The following SLC9C2 variants were observed in gnomAD, a reference collection of about 807,000 sequenced individuals.
SLC9C2 encodes the protein solute carrier family 9 member C2 (putative).
In SLC9C2, 75 loss-of-function variants were observed where a neutral mutation model predicts 140.2. The observed-to-expected ratio is 0.53, with a 90% CI of 0.44 to 0.65. SLC9C2 has a LOEUF of 0.65. Ranked by LOEUF, SLC9C2 falls within the 30% of genes least tolerant of loss-of-function variation. The probability of loss-of-function intolerance (pLI) is 0.00; values close to 1 mark genes in which losing one functional copy is unlikely to be tolerated. For synonymous variants in SLC9C2, 375 were observed against 420.9 expected (o/e 0.89, Z 1.34); for missense variants, 1,074 against 1,331.8 (o/e 0.81, Z 3.01).
intron 17 of SLC9C2, among the ~76,000 whole-genome samples, chr1:173,530,467 C>T (rs928146758): frequency 1.3e-5 from 2 of 152,180 alleles, no homozygotes; most frequent in South Asian, 2.1e-4. Flanking sequence ...CTCTGTGCCT[C>T]AGTTTCTTCA....
chr1:173,503,274 T>C lies in SLC9C2; in HGVS notation c.3363A>G (p.Gln1121=), dbSNP rs576156872. Residue 1121 remains glutamine, a synonymous_variant, in exon 27 of 28, where the codon CAA becomes CAG. Coordinates refer to ENST00000367714, the MANE Select transcript of SLC9C2 (RefSeq NM_178527.4). ...EQPGKNINGR[Q]KMS ...AGTGTCAAGTTTATTACCTCATCTT[T>C]TGTCTTCCATTTATATTCTTTCCTG... The C allele has an allele frequency of 8.1e-6, 13 of 1,613,426 alleles. No homozygotes were observed. In the East Asian group the frequency reaches 2.9e-4, roughly 36 times the overall value.
In SLC9C2 at chr1:173,503,227, A is replaced by C. The variant is rs12060658; in HGVS notation, c.3371+39T>G. 0.014 allele frequency: 22,377 copies of C among 1,562,052 alleles called. 2,357 individuals carry two copies. The African/African-American group carries it at 0.24, about 17-fold the overall frequency. ...TTTAGCTGTATAGTTCAATATTTGC[A>C]ATAAGAAAAAATTCTAATCAAAGTG... On this transcript the variant is annotated intron_variant, in intron 27 of 27. Transcript: ENST00000367714.
chr1:173,600,095 T>C, intron 3 of SLC9C2, 22 bp downstream of exon 3: 1 of 1,495,990 alleles, frequency 6.7e-7, no homozygotes, highest in East Asian at 2.4e-5. Context: ...CTTTATTCTC[T>C]AATTTATTGT....
chr1:173,546,268 C>A (rs988603283), intron 13 of SLC9C2, among the ~76,000 whole-genome samples: 10 of 152,164 alleles, frequency 6.6e-5, no homozygotes. Context: ...AGCGGTGGCT[C>A]ACACCTGTAA....
intron 7 of SLC9C2, among the ~76,000 whole-genome samples, chr1:173,581,474 A>G (rs1203530001): frequency 6.6e-6 from 1 of 152,164 alleles, no homozygotes; most frequent in Non-Finnish European, 1.5e-5. Context: ...TGATCTAGAA[A>G]AGCCTCAGGA....
intron 7 of SLC9C2, among the ~76,000 whole-genome samples, chr1:173,579,105 G>A (rs1429345315): frequency 2.0e-5 from 3 of 152,180 alleles, no homozygotes; most frequent in Non-Finnish European, 2.9e-5. Context: ...AGCCTGAGGG[G>A]TTAATGCTAA....
chr1:173,534,164 T>A (rs1312597623), intron 16 of SLC9C2, among the ~76,000 whole-genome samples: 28 of 152,148 alleles, frequency 1.8e-4, no homozygotes, highest in Non-Finnish European at 2.9e-5. Flanking sequence ...AAACCAATTC[T>A]TATTCACTTA....
chr1:173,551,891 T>C (rs1021419620), intron 11 of SLC9C2, among the ~76,000 whole-genome samples: 1 of 152,002 alleles, frequency 6.6e-6, no homozygotes, highest in Admixed American at 6.6e-5. Flanking sequence ...TTGAATTCAG[T>C]GAGGAAGGCA....
chr1:173,538,815 A>G (rs1662163589), intron 13 of SLC9C2, among the ~76,000 whole-genome samples: 1 of 152,234 alleles, frequency 6.6e-6, no homozygotes, highest in African/African-American at 2.4e-5. Context: ...GGGGCAGAGC[A>G]TCAGTTAGAG....
chr1:173,586,979 A>G (rs1445806028), intron 5 of SLC9C2, among the ~76,000 whole-genome samples: 4 of 152,036 alleles, frequency 2.6e-5, no homozygotes, highest in African/African-American at 4.8e-5. Flanking sequence ...CACATTCTGC[A>G]CGTGTATCCC....
At chr1:173,587,639 AAG>A (rs1665932853) in intron 5 of SLC9C2, 24 bp downstream of exon 5, 1 of 1,582,852 alleles carries the variant, frequency 6.3e-7, no homozygotes, top group African/African-American at 1.4e-5. Flanking sequence ...TTTTCAAGAT[AAG>A]AGAGAGAAAT....
intron 11 of SLC9C2, among the ~76,000 whole-genome samples, chr1:173,551,069 G>A (rs908302568): frequency 1.4e-5 from 2 of 140,072 alleles, no homozygotes; most frequent in African/African-American, 4.9e-5. Flanking sequence ...CTGCAATAGT[G>A]TTTATGAGGC....
At chr1:173,522,171 G>A (rs533869496) in intron 21 of SLC9C2, among the ~76,000 whole-genome samples, 3 of 151,698 alleles carry the variant, frequency 2.0e-5, no homozygotes, top group African/African-American at 7.3e-5. Context: ...GCAGTGAGCC[G>A]AGATCGTGCC....
Position 173,521,380 on chromosome 1 carries a change from C to A in SLC9C2, c.2660G>T (p.Cys887Phe). Reference protein sequence around the residue: ...DFFKERAKLACFDSGDTICKG... With the variant: ...DFFKERAKLAFFDSGDTICKG... ...ACAAATGGTATCTCCAGAGTCAAAA[C>A]AGGCAAGTTTGGCTCTTTCCTGAGT... Residue 887 changes from cysteine (C) to phenylalanine (F), a missense_variant, in exon 22 of 28, where the codon TGT becomes TTT. Transcript: ENST00000367714. 2 of 1,514,302 alleles carry A rather than the reference C, an allele frequency of 1.3e-6. No individual in the cohort carries two copies. The highest frequency in any genetic ancestry group is 1.4e-5 in the South Asian group (1 of 72,150). The allele number at this position is 1,514,302 out of a possible 1,614,324, so 93.8% of individuals were successfully genotyped here. A position where few individuals can be genotyped will look rare whatever the true frequency, so the allele number is the denominator to read the frequency against.
chr1:173,583,313 T>C (rs1665662350), intron 6 of SLC9C2, among the ~76,000 whole-genome samples, 193 bp downstream of exon 6: 1 of 152,244 alleles, frequency 6.6e-6, no homozygotes, highest in African/African-American at 2.4e-5. Flanking sequence ...TTTTTCTGAA[T>C]ATTTTTGATC....
chr1:173,602,376 A>T (rs1177433436), intron 1 of SLC9C2, among the ~76,000 whole-genome samples: 1 of 152,216 alleles, frequency 6.6e-6, no homozygotes, highest in Non-Finnish European at 1.5e-5. Flanking sequence ...CCAATAAAAG[A>T]TGGCAAATGG....
intron 21 of SLC9C2, among the ~76,000 whole-genome samples, chr1:173,523,304 G>A (rs113249602): frequency 5.9e-5 from 9 of 151,578 alleles, no homozygotes; most frequent in South Asian, 4.2e-4. Context: ...CCCGGGAGGC[G>A]GAGGTTGCAG....
At chr1:173,549,244 G>A (rs1011946874) in intron 11 of SLC9C2, among the ~76,000 whole-genome samples, 16 of 152,080 alleles carry the variant, frequency 1.1e-4, no homozygotes, top group African/African-American at 1.9e-4. Flanking sequence ...GCTTCTAAAC[G>A]TTTCAGTTTA....
At chr1:173,585,830 T>A (rs1471835536) in intron 5 of SLC9C2, among the ~76,000 whole-genome samples, 1 of 152,024 alleles carries the variant, frequency 6.6e-6, no homozygotes, top group Non-Finnish European at 1.5e-5. Flanking sequence ...TATCCAGGCG[T>A]AGCAGCACAT....
Sources: allele counts gnomAD v4.1 joint callset (sites outside exome capture counted in the v4.1 genomes callset), GRCh38; gene constraint gnomAD v4.1.1; transcripts MANE v1.5; gene names NCBI Gene and HGNC (gene_info 2026-07-23, HGNC 2026-07-21).